The following SLC35D1 variants were observed in gnomAD, a reference collection of about 807,000 sequenced individuals.
SLC35D1 encodes nucleotide sugar transporter SLC35D1.
In SLC35D1, 31 loss-of-function variants were observed where a neutral mutation model predicts 46.7. That is an observed-to-expected ratio of 0.66 (90% CI 0.50 to 0.90). SLC35D1 has a LOEUF of 0.90. Among genes scored for constraint, SLC35D1 ranks in the 40% least tolerant of loss-of-function variants. SLC35D1 has a pLI of 0.00. For synonymous variants in SLC35D1, 195 were observed against 164.6 expected (o/e 1.18, Z -1.41); for missense variants, 397 against 426.2 (o/e 0.93, Z 0.60).
chr1:66,988,875 C>G, the SLC35D1 span, among the ~76,000 whole-genome samples: 1 of 152,166 alleles, frequency 6.6e-6, no homozygotes, highest in Non-Finnish European at 1.5e-5. Flanking sequence ...GCGGCATGCC[C>G]TGTTCTTCAA....
chr1:66,980,049 C>T, the SLC35D1 span, among the ~76,000 whole-genome samples: 1 of 152,348 alleles, frequency 6.6e-6, no homozygotes, highest in South Asian at 2.1e-4. Flanking sequence ...CAGGCGTGAG[C>T]CACCACACCC....
At chr1:67,006,916 G>T (rs1202197307) in intron 11 of SLC35D1, among the ~76,000 whole-genome samples, 2 of 151,350 alleles carry the variant, frequency 1.3e-5, no homozygotes, top group Non-Finnish European at 3.0e-5. Flanking sequence ...AGATTTTGGA[G>T]CATTTTGGAT....
At chr1:67,025,923 CCAAT>C (rs1667904945) in intron 8 of SLC35D1, among the ~76,000 whole-genome samples, 1 of 152,030 alleles carries the variant, frequency 6.6e-6, no homozygotes, top group Non-Finnish European at 1.5e-5. Context: ...CTAATTAGTT[CCAAT>C]CACTTTTTTC....
chr1:67,050,537 A>G, intron 4 of SLC35D1, 33 bp from the exon 5 acceptor site: 1 of 1,553,592 alleles, frequency 6.4e-7, no homozygotes, highest in South Asian at 1.1e-5. Flanking sequence ...GGTAAAATAG[A>G]ATTTAACAAT....
intron 7 of SLC35D1, among the ~76,000 whole-genome samples, chr1:67,044,435 A>T (rs1645228640): frequency 6.6e-6 from 1 of 152,220 alleles, no homozygotes; most frequent in Non-Finnish European, 1.5e-5. Context: ...ATGTTTAATG[A>T]TGCTGATTGA....
chr1:67,009,839 T>C (rs1667525884), intron 10 of SLC35D1, among the ~76,000 whole-genome samples: 1 of 152,168 alleles, frequency 6.6e-6, no homozygotes, highest in Non-Finnish European at 1.5e-5. Context: ...CTGGGTTATA[T>C]CCCCAAAGGA....
chr1:66,986,465 TTAAAATA>T, the SLC35D1 span: 1 of 1,610,516 alleles, frequency 6.2e-7, no homozygotes, highest in Non-Finnish European at 8.5e-7. Context: ...CAATGCCTTT[TTAAAATA>T]AAGCTTCTGT....
chr1:67,004,623 G>A (rs1051686247), intron 11 of SLC35D1, among the ~76,000 whole-genome samples, 175 bp from the exon 12 acceptor site: 2 of 152,024 alleles, frequency 1.3e-5, no homozygotes, highest in Non-Finnish European at 2.9e-5. Flanking sequence ...ATATAAACAG[G>A]CATTGACACA....
intron 8 of SLC35D1, among the ~76,000 whole-genome samples, chr1:67,022,075 G>A (rs922912471): frequency 1.3e-5 from 2 of 152,058 alleles, no homozygotes; most frequent in African/African-American, 2.4e-5. Flanking sequence ...ATTCAGCTGA[G>A]GTCTATTCAA....
the SLC35D1 span, chr1:66,985,024 C>T: frequency 7.1e-7 from 1 of 1,401,316 alleles, no homozygotes; most frequent in African/African-American, 1.5e-5. Flanking sequence ...TGAGTCTTAA[C>T]TTTAGGAAAT....
intron 11 of SLC35D1, among the ~76,000 whole-genome samples, chr1:67,007,790 G>A (rs2102234320): frequency 6.6e-6 from 1 of 152,204 alleles, no homozygotes; most frequent in South Asian, 2.1e-4. Flanking sequence ...GAAGGGGAGA[G>A]GGGTTATATC....
the SLC35D1 span, chr1:66,986,381 T>C: frequency 1.9e-6 from 3 of 1,606,936 alleles, no homozygotes; most frequent in South Asian, 2.2e-5. Context: ...AAATATTAAT[T>C]ATTCTTGTTT....
the SLC35D1 span, among the ~76,000 whole-genome samples, chr1:66,991,156 AC>A: frequency 6.6e-6 from 1 of 152,166 alleles, no homozygotes; most frequent in African/African-American, 2.4e-5. Flanking sequence ...GGTAGAGGGT[AC>A]CATTTTACTT....
At chr1:67,008,218 A>C (rs1357875908) in intron 11 of SLC35D1, 2 of 153,546 alleles carry the variant, frequency 1.3e-5, no homozygotes, top group Non-Finnish European at 2.9e-5. Context: ...GGATCACTGC[A>C]ACCTCCGCCT....
chr1:67,006,453 T>A (rs888573259), intron 11 of SLC35D1, among the ~76,000 whole-genome samples: 1 of 149,072 alleles, frequency 6.7e-6, no homozygotes, highest in African/African-American at 2.4e-5. Context: ...CTACCTCTCC[T>A]TTCTTTCATC....
rs1282423234 is a variant in SLC35D1, at chr1:67,052,814, C to G, written c.281G>C (p.Arg94Thr). 2.5e-6 allele frequency: 4 copies of G among 1,614,078 alleles called. No individual in the cohort carries two copies. The highest frequency in any genetic ancestry group is 1.7e-5 in the Admixed American group (1 of 60,014). ...GTCAAGGTCAGGAAACTTGACTACT[C>G]TGAGCGCCTTTCCCACCCAGAGAAC... is the stretch of plus-strand genomic sequence containing the variant. ...VAVLWVGKAL[R>T]VVKFPDLDRN... Residue 94 changes from arginine (R) to threonine (T), a missense_variant, in exon 3 of 12, where the codon AGA (arginine) becomes ACA (threonine). Transcript: ENST00000235345.
the SLC35D1 span, among the ~76,000 whole-genome samples, chr1:66,974,188 C>T: frequency 1.1e-4 from 16 of 151,416 alleles, 1 homozygote; most frequent in Admixed American, 7.2e-4. Context: ...GGCAGTTTAC[C>T]GCAGATAACA....
intron 8 of SLC35D1, among the ~76,000 whole-genome samples, chr1:67,031,555 A>C (rs1432018926): frequency 6.6e-6 from 1 of 152,206 alleles, no homozygotes; most frequent in South Asian, 2.1e-4. Context: ...GCCGCAAAAA[A>C]AAACAAAGGC....
intron 7 of SLC35D1, among the ~76,000 whole-genome samples, chr1:67,043,757 G>T (rs1045587288): frequency 2.0e-5 from 3 of 152,126 alleles, no homozygotes; most frequent in African/African-American, 7.2e-5. Flanking sequence ...AGCTACTAGG[G>T]AGCAACAAAG....
Sources: allele counts gnomAD v4.1 joint callset (sites outside exome capture counted in the v4.1 genomes callset), GRCh38; gene constraint gnomAD v4.1.1; transcripts MANE v1.5; gene names NCBI Gene and HGNC (gene_info 2026-07-23, HGNC 2026-07-21).